The following PPP1R9B variants were observed in gnomAD, a reference collection of about 807,000 sequenced individuals.
PPP1R9B encodes protein phosphatase 1 regulatory subunit 9B.
Under a neutral mutation model 75.8 loss-of-function variants are expected in PPP1R9B, and 17 were observed. The observed-to-expected ratio is 0.22, with a 90% CI of 0.15 to 0.34. PPP1R9B has a LOEUF of 0.34. Among genes scored for constraint, PPP1R9B ranks in the 10% least tolerant of loss-of-function variants. The pLI is 1.00. For missense variants in PPP1R9B, 875 were observed against 1,196.0 expected (o/e 0.73, Z 3.96); for synonymous variants, 509 against 535.4 (o/e 0.95, Z 0.68).
At chr17:50,135,947 G>GCCCAGCC (rs988870222) in intron 8 of PPP1R9B, 21 bp downstream of exon 8, 1 of 561,230 alleles carries the variant, frequency 1.8e-6, no homozygotes, top group Non-Finnish European at 3.3e-6. Flanking sequence ...GGCCCAGCCC[G>GCCCAGCC]CCCAGCCCCC....
Position 50,149,738 on chromosome 17 carries a change from G to A in PPP1R9B, c.776C>T (p.Pro259Leu), listed in dbSNP as rs1912632689. ...RVFQPPPPPP[P>L]APSGDAPAEK... ...GGCCGGGGCATCCCCCGACGGGGCG[G>A]GCGGCGGCGGCGGCGGGGGCTGGAA... The change falls in exon 1 of 10, where the codon CCC becomes CTC. Residue 259 changes from proline to leucine, a missense_variant. Around this residue, in one of 4 missense-constraint regions of PPP1R9B, gnomAD observed 449 missense variants for 475.0 expected, o/e 0.95. Coordinates refer to ENST00000612501, the MANE Select transcript of PPP1R9B (RefSeq NM_032595.5). The surrounding 1 kb of genome is among the most constrained non-coding windows in gnomAD (Gnocchi z 7.2). 30 of 1,367,172 alleles carry A rather than the reference G, an allele frequency of 2.2e-5. No homozygotes were observed. Among genetic ancestry groups the A allele is most frequent in the Non-Finnish European group, 2.8e-5 (30 of 1,064,066 alleles). The allele number at this position is 1,367,172 out of a possible 1,614,324, so 84.7% of individuals were successfully genotyped here. A position where few individuals can be genotyped will look rare whatever the true frequency, so the allele number is the denominator to read the frequency against.
Position 50,150,210 on chromosome 17 carries a change from T to C in PPP1R9B, c.304A>G (p.Asn102Asp). The change falls in exon 1 of 10, where the codon AAC becomes GAC. Residue 102 changes from asparagine to aspartate, a missense_variant. By Grantham distance (23) the Asn-to-Asp change is conservative. Coordinates refer to ENST00000612501, the MANE Select transcript of PPP1R9B (RefSeq NM_032595.5). The surrounding 1 kb of genome is among the most constrained non-coding windows in gnomAD (Gnocchi z 8.7). ...RLSLPRASSL[N>D]ENVDHSALLK... ...AGGGCGCTGTGGTCCACGTTCTCGT[T>C]CAGGCTGCTGGCCCGCGGCAGCGAC... 1 of 1,457,780 alleles carries C rather than the reference T, an allele frequency of 6.9e-7. No homozygotes were observed. Among genetic ancestry groups the C allele is most frequent in the Non-Finnish European group, 9.1e-7 (1 of 1,103,168 alleles). 90.3% of individuals were successfully genotyped at this position (1,457,780 alleles called of 1,614,324 possible).
intron 7 of PPP1R9B, among the ~76,000 whole-genome samples, chr17:50,138,153 C>CGCGT (rs1912275787): frequency 6.8e-6 from 1 of 146,318 alleles, no homozygotes; most frequent in East Asian, 2.1e-4. Context: ...GTGTATACTA[C>CGCGT]GTGTGTGTGT....
At position 50,149,067 on chromosome 17, in the gene PPP1R9B, G is replaced by A; in HGVS notation, c.1371+76C>T. 1 of 1,084,542 alleles carries A rather than the reference G, an allele frequency of 9.2e-7. No individual in the cohort carries two copies. The highest frequency in any genetic ancestry group is 1.8e-5 in the South Asian group (1 of 54,288). 67.2% of individuals were successfully genotyped at this position (1,084,542 alleles called of 1,614,324 possible). ...CTGACTCAGCCTGCCAAACCCGGCT[G>A]GCTGGCTGGCGAGCGGGGGCGGCCG... On this transcript the variant is annotated intron_variant, in intron 1 of 9. Coordinates refer to ENST00000612501, the MANE Select transcript of PPP1R9B (RefSeq NM_032595.5). This position sits in a 1 kb window ranked among gnomAD's most constrained non-coding sequence, Gnocchi z 7.2.
At chr17:50,145,673 A>T (rs1485881781) in intron 1 of PPP1R9B, among the ~76,000 whole-genome samples, 1 of 151,408 alleles carries the variant, frequency 6.6e-6, no homozygotes, top group Non-Finnish European at 1.5e-5. Context: ...TGAGCAGAAG[A>T]GGGGAAGAGG....
In PPP1R9B at chr17:50,139,740, T is replaced by A. The variant is rs1912320431; in HGVS notation, c.1867-159A>T. ...CTGAGGCTGGACCAGAGACACGGTT[T>A]ATGTCTTCCCCCAACAGCCTGGTAG... On this transcript the variant is annotated intron_variant, in intron 5 of 9. Transcript: ENST00000612501. This position sits in a 1 kb window ranked among gnomAD's most constrained non-coding sequence, Gnocchi z 5.0. Among the ~76,000 whole-genome samples the A allele has an allele frequency of 6.6e-6, 1 of 152,186 alleles. No individual in the cohort carries two copies. Among genetic ancestry groups the A allele is most frequent in the African/African-American group, 2.4e-5 (1 of 41,430 alleles).
intron 1 of PPP1R9B, among the ~76,000 whole-genome samples, chr17:50,147,288 G>A (rs1220636581): frequency 6.6e-6 from 1 of 152,248 alleles, no homozygotes; most frequent in Non-Finnish European, 1.5e-5. Flanking sequence ...GCTGGAATTG[G>A]GTTCTCTGCC....
At position 50,139,898 on chromosome 17, in the gene PPP1R9B, C is replaced by T. The variant is rs990805495; in HGVS notation, c.1866+195G>A. Among the ~76,000 whole-genome samples, 3 of 152,168 alleles carry T rather than the reference C, an allele frequency of 2.0e-5. No homozygotes were observed. Among genetic ancestry groups the T allele is most frequent in the Admixed American group, 1.3e-4 (2 of 15,278 alleles). ...CCAAGATTAGGGGCTATGCTCTCCC[C>T]GCAGACTGGGGGCTCTTTGAGAGGA... is the stretch of plus-strand genomic sequence containing the variant. On this transcript the variant is annotated intron_variant, in intron 5 of 9. Coordinates refer to ENST00000612501, the MANE Select transcript of PPP1R9B (RefSeq NM_032595.5). This position sits in a 1 kb window ranked among gnomAD's most constrained non-coding sequence, Gnocchi z 5.0.
At position 50,134,156 on chromosome 17, in the gene PPP1R9B, GA is replaced by G. The variant is rs1912146242; in HGVS notation, c.*1174del. The G allele has an allele frequency of 6.6e-6, 1 of 152,626 alleles. No individual in the cohort carries two copies. Among genetic ancestry groups the G allele is most frequent in the Non-Finnish European group, 1.5e-5 (1 of 68,036 alleles). The allele number at this position is 152,626 out of a possible 1,614,324, so 9.5% of individuals were successfully genotyped here. ...TGAGATGGATTTTGAAAGGGGAGGG[GA>G]CCTGGGGGAGGTGGTCTCACCTCCC... On this transcript the variant is annotated 3_prime_UTR_variant, in exon 10 of 10. Coordinates refer to ENST00000612501, the MANE Select transcript of PPP1R9B (RefSeq NM_032595.5).
chr17:50,148,267 C>T (rs1175454056), intron 1 of PPP1R9B, among the ~76,000 whole-genome samples: 5 of 152,246 alleles, frequency 3.3e-5, no homozygotes, highest in Non-Finnish European at 7.3e-5. Context: ...AGGGGCAGCT[C>T]CCATCCCTCT....
chr17:50,135,943 G>A, intron 8 of PPP1R9B, 25 bp downstream of exon 8: 5 of 973,276 alleles, frequency 5.1e-6, no homozygotes, highest in East Asian at 2.9e-5. Flanking sequence ...CCTGGGCCCA[G>A]CCCGCCCAGC....
chr17:50,141,357 G>C lies in PPP1R9B; in HGVS notation c.1642C>G (p.Leu548Val). The C allele has an allele frequency of 6.3e-7, 1 of 1,586,296 alleles. No individual in the cohort carries two copies. The highest frequency in any genetic ancestry group is 8.6e-7 in the Non-Finnish European group (1 of 1,166,822). ...HRDGRIQVNDLLVEVDGTSLV... is the reference protein window; with the variant it reads ...HRDGRIQVNDVLVEVDGTSLV... ...CTTGTTCCATCCACCTCCACCAGGA[G>C]ATCATTCACCTGGATCCTAGCGGAG... is the stretch of plus-strand genomic sequence containing the variant. Residue 548 changes from leucine (L) to valine (V), a missense_variant, in exon 4 of 10, where the codon CTC becomes GTC. Around this residue, in one of 4 missense-constraint regions of PPP1R9B, gnomAD observed 63 missense variants for 160.2 expected, o/e 0.39. Coordinates refer to ENST00000612501, the MANE Select transcript of PPP1R9B (RefSeq NM_032595.5).
At position 50,149,044 on chromosome 17, in the gene PPP1R9B, G is replaced by T; in HGVS notation, c.1371+99C>A. On this transcript the variant is annotated intron_variant, in intron 1 of 9. Coordinates refer to ENST00000612501, the MANE Select transcript of PPP1R9B (RefSeq NM_032595.5). This position sits in a 1 kb window ranked among gnomAD's most constrained non-coding sequence, Gnocchi z 7.2. ...GGAAGGGGGCTGGGTGGCAGGGGCT[G>T]ACTCAGCCTGCCAAACCCGGCTGGC... The T allele has an allele frequency of 3.4e-6, 3 of 880,428 alleles. No individual in the cohort carries two copies. The highest frequency in any genetic ancestry group is 4.8e-6 in the Non-Finnish European group (3 of 623,116). 54.5% of individuals were successfully genotyped at this position (880,428 alleles called of 1,614,324 possible).
intron 1 of PPP1R9B, among the ~76,000 whole-genome samples, chr17:50,147,731 C>T (rs1269002202): frequency 6.6e-6 from 1 of 152,110 alleles, no homozygotes; most frequent in Non-Finnish European, 1.5e-5. Flanking sequence ...CAGAACCCCA[C>T]TGCCTTCAGG....
intron 7 of PPP1R9B, among the ~76,000 whole-genome samples, chr17:50,138,153 CGTGTGTGTGTGTGTGTGTGTGTGTGTGT>C (rs58489923): frequency 6.8e-6 from 1 of 146,318 alleles, no homozygotes; most frequent in Non-Finnish European, 1.5e-5. Context: ...GTGTATACTA[CGTGTGTGTGTGTGTGTGTGTGTGTGTGT>C]GTGTGTGTGT....
chr17:50,135,524 G>A (rs1912202355), intron 9 of PPP1R9B, 29 bp downstream of exon 9: 1 of 1,601,630 alleles, frequency 6.2e-7, no homozygotes, highest in African/African-American at 1.3e-5. Flanking sequence ...CCTCCACTGG[G>A]CCCTGCCCAC....
rs923833046 is a variant in PPP1R9B, at chr17:50,133,744, G to A, written c.*1587C>T. ...GAAACCAGGCAGCAAGGCTCTGGGGGCTGCTTTTATGGGGACGACCTGACA... is the reference window on the plus strand; with the variant it reads ...GAAACCAGGCAGCAAGGCTCTGGGGACTGCTTTTATGGGGACGACCTGACA... On this transcript the variant is annotated 3_prime_UTR_variant, in exon 10 of 10. Transcript: ENST00000612501. 10 of 152,346 alleles carry A rather than the reference G, an allele frequency of 6.6e-5. No individual in the cohort carries two copies. The highest frequency in any genetic ancestry group is 2.4e-4 in the African/African-American group (10 of 41,460). The allele number at this position is 152,346 out of a possible 1,614,324, so 9.4% of individuals were successfully genotyped here. A position where few individuals can be genotyped will look rare whatever the true frequency, so the allele number is the denominator to read the frequency against.
intron 1 of PPP1R9B, 79 bp from the exon 2 acceptor site, chr17:50,145,324 G>C: frequency 6.3e-7 from 1 of 1,579,824 alleles, no homozygotes; most frequent in Non-Finnish European, 8.6e-7. Flanking sequence ...GAGGAGGCAG[G>C]CTGAGTTACC....
chr17:50,147,524 C>A (rs560963836), intron 1 of PPP1R9B, among the ~76,000 whole-genome samples: 1 of 152,204 alleles, frequency 6.6e-6, no homozygotes, highest in Non-Finnish European at 1.5e-5. Context: ...ACCAGGGAGC[C>A]GGGAAGCACT....
Sources: gnomAD v4.1 joint callset for allele counts (sites outside exome capture counted in the v4.1 genomes callset) on GRCh38, gnomAD v4.1.1 for gene constraint, gnomAD v4.1.1 regional missense constraint, Gnocchi (gnomAD v3.1) non-coding constraint, MANE v1.5 for transcripts, NCBI Gene and HGNC (gene_info 2026-07-23, HGNC 2026-07-21) for gene names.